FMN2: variants seen among roughly 807,000 people sequenced by gnomAD.
FMN2 encodes formin-2.
In FMN2, 51 loss-of-function variants were observed where a neutral mutation model predicts 142.3. That is an observed-to-expected ratio of 0.36 (90% CI 0.29 to 0.45). FMN2 has a LOEUF of 0.45. Ranked by LOEUF, FMN2 falls within the 20% of genes least tolerant of loss-of-function variation. FMN2 has a pLI of 1.00. For synonymous variants in FMN2, 882 were observed against 869.8 expected (o/e 1.01, Z -0.25); for missense variants, 1,936 against 2,122.8 (o/e 0.91, Z 1.73).
At chr1:240,337,088 T>C (rs16839838) in intron 13 of FMN2, among the ~76,000 whole-genome samples, 27,382 of 151,908 alleles carry the variant, frequency 0.18, 3,154 homozygotes, top group African/African-American at 0.32. Flanking sequence ...TATGTACGTC[T>C]ATCTGACTAA....
At chr1:240,221,980 T>C (rs1428177466) in intron 6 of FMN2, among the ~76,000 whole-genome samples, 1 of 150,550 alleles carries the variant, frequency 6.6e-6, no homozygotes, top group African/African-American at 2.5e-5. Flanking sequence ...CCCAAGTAGC[T>C]GGGATTATAG....
intron 8 of FMN2, among the ~76,000 whole-genome samples, chr1:240,328,167 A>AAAAAAAAAAAAG (rs1558435720): frequency 9.9e-5 from 14 of 141,138 alleles, no homozygotes; most frequent in African/African-American, 2.4e-4. Context: ...AAAAAAAAAA[A>AAAAAAAAAAAAG]AAAAAGAAAA....
At chr1:240,465,946 G>A (rs1407332090) in intron 16 of FMN2, among the ~76,000 whole-genome samples, 3 of 152,106 alleles carry the variant, frequency 2.0e-5, no homozygotes, top group African/African-American at 7.2e-5. Flanking sequence ...CTGAACTTTT[G>A]TATATGTTTG....
Position 240,265,353 on chromosome 1 carries a change from A to G in FMN2, c.4153+7321A>G, listed in dbSNP as rs1668762799. ...TTGAACCAAGCAAAGAATGAAATACACTTATATGCCACATAACAACATTTT... is the reference window on the plus strand; with the variant it reads ...TTGAACCAAGCAAAGAATGAAATACGCTTATATGCCACATAACAACATTTT... On this transcript the variant is annotated intron_variant, in intron 7 of 17. Coordinates refer to ENST00000319653, the MANE Select transcript of FMN2 (RefSeq NM_020066.5). 2.0e-5 allele frequency among the ~76,000 whole-genome samples: 3 copies of G among 152,156 alleles called. 1 individual carries two copies. The highest frequency in any genetic ancestry group is 1.3e-4 in the Admixed American group (2 of 15,246).
chr1:240,371,175 G>A (rs1190490824), intron 14 of FMN2, among the ~76,000 whole-genome samples: 1 of 151,972 alleles, frequency 6.6e-6, no homozygotes, highest in Non-Finnish European at 1.5e-5. Flanking sequence ...GGCCAAGCTG[G>A]TCTTGAACTC....
chr1:240,181,099 G>C (rs1286491819), intron 3 of FMN2, among the ~76,000 whole-genome samples: 1 of 151,780 alleles, frequency 6.6e-6, no homozygotes, highest in East Asian at 1.9e-4. Context: ...CCGTCTCCCG[G>C]GTTCAAGTGA....
At chr1:240,325,427 G>A (rs1326864124) in intron 8 of FMN2, among the ~76,000 whole-genome samples, 1 of 151,362 alleles carries the variant, frequency 6.6e-6, no homozygotes, top group Admixed American at 6.6e-5. Context: ...AAAAAAGAGT[G>A]TATACTTATT....
intron 13 of FMN2, among the ~76,000 whole-genome samples, chr1:240,336,609 T>G (rs1345381734): frequency 6.7e-6 from 1 of 149,548 alleles, no homozygotes; most frequent in Non-Finnish European, 1.5e-5. Flanking sequence ...TTCCCATTTA[T>G]TACAGAGAAC....
chr1:240,260,411 T>A (rs1308830631), intron 7 of FMN2, among the ~76,000 whole-genome samples: 1 of 152,120 alleles, frequency 6.6e-6, no homozygotes, highest in Non-Finnish European at 1.5e-5. Flanking sequence ...CATGCCAACA[T>A]CTATTATTTT....
At chr1:240,467,365 C>G (rs1676657248) in intron 16 of FMN2, among the ~76,000 whole-genome samples, 1 of 151,786 alleles carries the variant, frequency 6.6e-6, no homozygotes, top group African/African-American at 2.4e-5. Context: ...ACCTCCGCCT[C>G]CCAGATTCAA....
intron 6 of FMN2, among the ~76,000 whole-genome samples, chr1:240,241,823 TGC>T (rs1471129329): frequency 7.4e-6 from 1 of 135,618 alleles, no homozygotes; most frequent in Non-Finnish European, 1.6e-5. Flanking sequence ...TAGTGTGCCT[TGC>T]TTTTTTTTTT....
rs1327380575 is a variant in FMN2, at chr1:240,093,454, C to A, written c.1345C>A (p.Pro449Thr). 1 of 1,613,600 alleles carries A rather than the reference C, an allele frequency of 6.2e-7. No homozygotes were observed. Among genetic ancestry groups the A allele is most frequent in the East Asian group, 2.2e-5 (1 of 44,822 alleles). The change falls in exon 1 of 18, where the codon CCC becomes ACC. Residue 449 changes from proline to threonine, a missense_variant. Around this residue, in one of 8 missense-constraint regions of FMN2, gnomAD observed 751 missense variants for 791.8 expected, o/e 0.95. Coordinates refer to ENST00000319653, the MANE Select transcript of FMN2 (RefSeq NM_020066.5). ...QSPRIKRRPE[P>T]SLSRGSRTAL... ...CCCCAGGATCAAGAGGCGGCCGGAA[C>A]CCTCCCTGAGCCGAGGGTCCAGAAC...
intron 15 of FMN2, among the ~76,000 whole-genome samples, chr1:240,414,400 G>GAATGGAATTCT (rs1674511489): frequency 6.6e-6 from 1 of 152,200 alleles, no homozygotes; most frequent in Non-Finnish European, 1.5e-5. Flanking sequence ...GAGTGCGGTA[G>GAATGGAATTCT]CACAGAGCCG....
At chr1:240,464,238 C>T (rs914776276) in intron 16 of FMN2, among the ~76,000 whole-genome samples, 16 of 152,114 alleles carry the variant, frequency 1.1e-4, no homozygotes, top group African/African-American at 3.9e-4. Context: ...CCACACCCAT[C>T]ATTACTAATC....
intron 13 of FMN2, among the ~76,000 whole-genome samples, chr1:240,338,934 A>G (rs1671655936): frequency 6.6e-6 from 1 of 152,206 alleles, no homozygotes. Flanking sequence ...ACAGTGACAG[A>G]TCATCAGACA....
chr1:240,285,199 T>C, intron 7 of FMN2: 2 of 454,334 alleles, frequency 4.4e-6, no homozygotes, highest in Non-Finnish European at 8.8e-6. Flanking sequence ...GTGGGTGTGG[T>C]GAGGTGAAGT....
intron 16 of FMN2, among the ~76,000 whole-genome samples, chr1:240,439,217 G>C (rs1465887922): frequency 1.4e-5 from 2 of 144,066 alleles, no homozygotes; most frequent in Admixed American, 1.5e-4. Flanking sequence ...AGGTTGCAGT[G>C]AGCCGAGATC....
intron 14 of FMN2, among the ~76,000 whole-genome samples, chr1:240,375,533 C>T (rs1673013264): frequency 6.6e-6 from 1 of 152,108 alleles, no homozygotes; most frequent in African/African-American, 2.4e-5. Context: ...ATTAATAAAG[C>T]AATGCATTTA....
At chr1:240,429,394 T>C (rs577707308) in intron 15 of FMN2, among the ~76,000 whole-genome samples, 17 of 152,312 alleles carry the variant, frequency 1.1e-4, no homozygotes, top group African/African-American at 4.1e-4. Context: ...ATTCCGTCTT[T>C]TCATCTCCTT....
Sources: gnomAD v4.1 joint callset for allele counts (sites outside exome capture counted in the v4.1 genomes callset) on GRCh38, gnomAD v4.1.1 for gene constraint, gnomAD v4.1.1 regional missense constraint, MANE v1.5 for transcripts, NCBI Gene and HGNC (gene_info 2026-07-23, HGNC 2026-07-21) for gene names.